FMR1NB: variants seen among roughly 807,000 people sequenced by gnomAD.
FMR1NB encodes the protein FMR1 neighbor protein.
A neutral mutation model predicts 16.8 loss-of-function variants in FMR1NB; 10 were observed. The observed-to-expected ratio is 0.60, with a 90% confidence interval of 0.37 to 1.01. The LOEUF (loss-of-function observed/expected upper bound fraction) is 1.01, where lower values mean the gene tolerates loss of function less well. Among genes scored for constraint, FMR1NB ranks in the 50% least tolerant of loss-of-function variants. FMR1NB has a pLI of 0.01. For synonymous variants in FMR1NB, 83 were observed against 79.1 expected (o/e 1.05, Z -0.26); for missense variants, 205 against 204.8 (o/e 1.00, Z 0.00).
rs1698044513 is a variant in FMR1NB, at chrX:148,003,256, T to C, written c.333T>C (p.Ala111=). The change falls in exon 2 of 6, where the codon GCT becomes GCC. Residue 111 remains alanine, a synonymous_variant. Coordinates refer to ENST00000370467, the MANE Select transcript of FMR1NB (RefSeq NM_152578.3). ...ATATCCTGCCCAACAGTGAAAATGCTCATGGCCAATCTCTGGAAGAAGATT... is the reference window on the plus strand; with the variant it reads ...ATATCCTGCCCAACAGTGAAAATGCCCATGGCCAATCTCTGGAAGAAGATT... The part of the protein sequence containing the change: ...NGHILPNSEN[A]HGQSLEEDSA... 8.3e-7 allele frequency: 1 copy of C among 1,210,694 alleles called. No individual in the cohort carries two copies. The highest frequency in any genetic ancestry group is 1.1e-6 in the Non-Finnish European group (1 of 894,329).
intron 1 of FMR1NB, among the ~76,000 whole-genome samples, chrX:147,996,592 G>T (rs930370767): frequency 9.1e-6 from 1 of 110,465 alleles, no homozygotes; most frequent in African/African-American, 3.3e-5. Flanking sequence ...GCGGGGATGG[G>T]GGGGGCGGGG....
In FMR1NB at chrX:148,014,167, C is replaced by T. The variant is rs146632171; in HGVS notation, c.632+5456C>T. Reference sequence around the variant, plus strand: ...AATGATATATCTAATCCAAGAGATTCTTATAGGAGAGACACCATCTGAGAT... The same window carrying T: ...AATGATATATCTAATCCAAGAGATTTTTATAGGAGAGACACCATCTGAGAT... On this transcript the variant is annotated intron_variant, in intron 4 of 5. Transcript: ENST00000370467. Among the ~76,000 whole-genome samples, 777 of 111,038 alleles carry T rather than the reference C, an allele frequency of 7.0e-3. 8 individuals are homozygous for T. The highest frequency in any genetic ancestry group is 0.025 in the African/African-American group (754 of 30,435).
chrX:148,015,622 G>A (rs2044645809), intron 4 of FMR1NB, among the ~76,000 whole-genome samples: 1 of 111,951 alleles, frequency 8.9e-6, no homozygotes, highest in African/African-American at 3.2e-5. Context: ...TGTTTGTATA[G>A]TTTCCAAATT....
At chrX:148,015,821 A>G (rs149452570) in intron 4 of FMR1NB, among the ~76,000 whole-genome samples, 19 of 112,180 alleles carry the variant, frequency 1.7e-4, no homozygotes, top group Admixed American at 3.8e-4. Flanking sequence ...TATTAGGTCT[A>G]TTTGGTGTAC....
chrX:148,023,967 C>A (rs782061326), intron 4 of FMR1NB, among the ~76,000 whole-genome samples: 1 of 111,292 alleles, frequency 9.0e-6, no homozygotes, highest in South Asian at 3.8e-4. Flanking sequence ...CGTCTTGGTG[C>A]CTCAGTTTCC....
At chrX:148,017,176 T>TTATATCATGC (rs1247394866) in intron 4 of FMR1NB, among the ~76,000 whole-genome samples, 1 of 111,115 alleles carries the variant, frequency 9.0e-6, no homozygotes, top group Non-Finnish European at 1.9e-5. Context: ...CTTCAGCACC[T>TTATATCATGC]TATATATATC....
At chrX:148,006,674 C>T in intron 2 of FMR1NB, 28 bp from the exon 3 acceptor site, 1 of 1,184,950 alleles carries the variant, frequency 8.4e-7, no homozygotes, top group Non-Finnish European at 1.1e-6. Context: ...ATGCTGAATT[C>T]TCTTTCTTAA....
At chrX:148,006,285 A>G (rs1265282089) in intron 2 of FMR1NB, among the ~76,000 whole-genome samples, 3 of 112,127 alleles carry the variant, frequency 2.7e-5, no homozygotes, top group African/African-American at 9.7e-5. Flanking sequence ...CTAGCAGCAA[A>G]CTATGTAATT....
intron 4 of FMR1NB, among the ~76,000 whole-genome samples, chrX:148,018,440 T>C (rs1557190322): frequency 1.8e-5 from 2 of 111,961 alleles, no homozygotes; most frequent in African/African-American, 6.5e-5. Flanking sequence ...AAGGCTACAG[T>C]AACCAAAACA....
rs782812437 is a variant in FMR1NB, at chrX:147,981,509, C to T, written c.107C>T (p.Ser36Leu). Reference sequence around the variant, plus strand: ...ACTTATGAGTTGGCGGCAACTGAGTCGAATCCCGAGAGCAGCCATCCTGGA... The same window carrying T: ...ACTTATGAGTTGGCGGCAACTGAGTTGAATCCCGAGAGCAGCCATCCTGGA... ...LATYELAATESNPESSHPGYE... is the reference protein window; with the variant it reads ...LATYELAATELNPESSHPGYE... Residue 36 changes from serine to leucine, a missense_variant, in exon 1 of 6, where the codon TCG becomes TTG. Coordinates refer to ENST00000370467, the MANE Select transcript of FMR1NB (RefSeq NM_152578.3). 1.0e-4 allele frequency: 124 copies of T among 1,209,844 alleles called. 1 individual carries two copies. The highest frequency in any genetic ancestry group is 8.9e-4 in the Admixed American group (41 of 45,833).
chrX:147,989,065 G>A (rs2044490722), intron 1 of FMR1NB, among the ~76,000 whole-genome samples: 1 of 111,699 alleles, frequency 9.0e-6, no homozygotes. Flanking sequence ...TGATCATTTG[G>A]AGGCGAAGAG....
chrX:147,981,623 T>C lies in FMR1NB; in HGVS notation c.221T>C (p.Leu74Pro). 1 of 1,209,722 alleles carries C rather than the reference T, an allele frequency of 8.3e-7. No individual in the cohort carries two copies. The highest frequency in any genetic ancestry group is 1.1e-6 in the Non-Finnish European group (1 of 895,001). Residue 74 changes from leucine to proline, a missense_variant, in exon 1 of 6, where the codon CTC becomes CCC. Transcript: ENST00000370467. ...RVSKPFGMLM[L>P]SIWILLFVCY... Reference sequence around the variant, plus strand: ...AGCAAACCCTTTGGGATGCTCATGCTCTCCATTTGGATCCTGCTGTTCGTG... The same window carrying C: ...AGCAAACCCTTTGGGATGCTCATGCCCTCCATTTGGATCCTGCTGTTCGTG...
At chrX:148,011,125 A>G (rs1047964783) in intron 4 of FMR1NB, among the ~76,000 whole-genome samples, 68 of 110,823 alleles carry the variant, frequency 6.1e-4, no homozygotes, top group African/African-American at 2.2e-3. Context: ...TTAGCCGGGC[A>G]TGGTGACATG....
intron 4 of FMR1NB, among the ~76,000 whole-genome samples, chrX:148,018,425 A>G (rs781969130): frequency 8.9e-6 from 1 of 112,081 alleles, no homozygotes; most frequent in East Asian, 2.8e-4. Context: ...TTCAAACTAT[A>G]CTACAAGGCT....
At chrX:147,989,805 G>T (rs1360999050) in intron 1 of FMR1NB, among the ~76,000 whole-genome samples, 1 of 110,992 alleles carries the variant, frequency 9.0e-6, no homozygotes, top group Non-Finnish European at 1.9e-5. Context: ...ACAGTCAGGG[G>T]AAAGCCGCCT....
chrX:148,011,219 G>A (rs1400943821), intron 4 of FMR1NB, among the ~76,000 whole-genome samples: 10 of 110,145 alleles, frequency 9.1e-5, no homozygotes, highest in African/African-American at 1.7e-4. Flanking sequence ...AGCCGAGATC[G>A]CGTCACTGCA....
chrX:148,004,143 A>C (rs1557188871), intron 2 of FMR1NB, among the ~76,000 whole-genome samples: 1 of 112,412 alleles, frequency 8.9e-6, no homozygotes, highest in Non-Finnish European at 1.9e-5. Flanking sequence ...AAAATAAACA[A>C]GTTCCTTAAA....
chrX:148,003,249 A>C lies in FMR1NB; in HGVS notation c.326A>C (p.Glu109Ala). 4 of 1,210,915 alleles carry C rather than the reference A, an allele frequency of 3.3e-6. No homozygotes were observed. Among genetic ancestry groups the C allele is most frequent in the Non-Finnish European group, 4.5e-6 (4 of 894,528 alleles). ...LANGHILPNS[E>A]NAHGQSLEED... Reference sequence around the variant, plus strand: ...AATGGACATATCCTGCCCAACAGTGAAAATGCTCATGGCCAATCTCTGGAA... The same window carrying C: ...AATGGACATATCCTGCCCAACAGTGCAAATGCTCATGGCCAATCTCTGGAA... The change falls in exon 2 of 6, where the codon GAA (glutamate) becomes GCA (alanine). Residue 109 changes from glutamate to alanine, a missense_variant. Coordinates refer to ENST00000370467, the MANE Select transcript of FMR1NB (RefSeq NM_152578.3).
intron 1 of FMR1NB, among the ~76,000 whole-genome samples, chrX:147,991,597 C>T (rs782190528): frequency 9.2e-6 from 1 of 108,724 alleles, no homozygotes; most frequent in Admixed American, 9.8e-5. Flanking sequence ...TTCTCACCTC[C>T]TTTCCCAAAA....
Sources: gnomAD v4.1 joint callset for allele counts (sites outside exome capture counted in the v4.1 genomes callset) on GRCh38, gnomAD v4.1.1 for gene constraint, MANE v1.5 for transcripts, NCBI Gene and HGNC (gene_info 2026-07-23, HGNC 2026-07-21) for gene names.